Variants in TC2N observed in about 807,000 individuals in gnomAD.
TC2N encodes tandem C2 domains nuclear protein.
A neutral mutation model predicts 61.9 loss-of-function variants in TC2N; 51 were observed. The observed-to-expected ratio is 0.82, with a 90% CI of 0.66 to 1.04. The LOEUF (loss-of-function observed/expected upper bound fraction) is 1.04. Ranked by LOEUF, TC2N falls within the 50% of genes least tolerant of loss-of-function variation. The probability of loss-of-function intolerance (pLI) is 0.00; values close to 1 mark genes in which losing one functional copy is unlikely to be tolerated. For missense variants in TC2N, 556 were observed against 566.7 expected, an observed-to-expected ratio of 0.98 and a Z score of 0.19; for synonymous variants, 204 against 192.6, an observed-to-expected ratio of 1.06 and a Z score of -0.49.
chr14:91,801,097 T>C lies in TC2N; in HGVS notation c.470-725A>G, dbSNP rs563895018. On this transcript the variant is annotated intron_variant, in intron 4 of 11. Coordinates refer to ENST00000435962, the MANE Select transcript of TC2N (RefSeq NM_001128596.3). ...GTGTGTGTGTATATATATATATATA[T>C]CCTGAAAAACTGAGAATTTTGTGAA... Among the ~76,000 whole-genome samples the C allele has an allele frequency of 4.0e-5, 6 of 151,010 alleles. No individual in the cohort carries two copies. The South Asian group carries it at 6.2e-4, about 16-fold the overall frequency.
At chr14:91,838,691 T>C (rs1231380927) in intron 1 of TC2N, among the ~76,000 whole-genome samples, 2 of 152,244 alleles carry the variant, frequency 1.3e-5, no homozygotes, top group South Asian at 2.1e-4. Context: ...TCTTCACTGA[T>C]GCAGAAGTAC....
At chr14:91,804,702 G>GA (rs1371208847) in intron 3 of TC2N, among the ~76,000 whole-genome samples, 69 of 152,130 alleles carry the variant, frequency 4.5e-4, no homozygotes, top group Admixed American at 1.6e-3. Flanking sequence ...TCAGAAAACA[G>GA]AAAAAATTAA....
intron 1 of TC2N, among the ~76,000 whole-genome samples, chr14:91,817,693 C>G (rs1887066443): frequency 6.6e-6 from 1 of 152,050 alleles, no homozygotes; most frequent in African/African-American, 2.4e-5. Context: ...TTAACATTAA[C>G]CATGACAGGA....
chr14:91,813,648 G>A, intron 2 of TC2N, 55 bp downstream of exon 2: 1 of 1,264,664 alleles, frequency 7.9e-7, no homozygotes, highest in Middle Eastern at 1.9e-4. Context: ...ATTACAAAAT[G>A]CCACAAATGA....
chr14:91,856,325 C>T (rs1018396297), intron 1 of TC2N, among the ~76,000 whole-genome samples: 18 of 152,028 alleles, frequency 1.2e-4, no homozygotes, highest in African/African-American at 3.4e-4. Flanking sequence ...CCTGTCTTTA[C>T]TAAAAAATAC....
At chr14:91,820,772 A>C (rs1016944074) in intron 1 of TC2N, among the ~76,000 whole-genome samples, 21 of 152,128 alleles carry the variant, frequency 1.4e-4, no homozygotes, top group Non-Finnish European at 2.1e-4. Flanking sequence ...AAGATATAAG[A>C]GAAATATACA....
chr14:91,809,247 T>C (rs1886659512), intron 3 of TC2N, among the ~76,000 whole-genome samples: 1 of 151,796 alleles, frequency 6.6e-6, no homozygotes, highest in African/African-American at 2.4e-5. Context: ...CCCATCTCTA[T>C]AAATACAAAA....
At chr14:91,818,705 A>G (rs545107330) in intron 1 of TC2N, among the ~76,000 whole-genome samples, 29 of 152,288 alleles carry the variant, frequency 1.9e-4, no homozygotes, top group African/African-American at 7.0e-4. Flanking sequence ...CCCAAATCCA[A>G]TTTCTAGAGA....
chr14:91,825,700 T>C (rs113275877), intron 1 of TC2N, among the ~76,000 whole-genome samples: 2,297 of 152,362 alleles, frequency 0.015, 54 homozygotes, highest in African/African-American at 0.05. Context: ...CTGTCTCTAG[T>C]TTCTTTGAGA....
chr14:91,862,479 T>C (rs1036445213), intron 1 of TC2N, among the ~76,000 whole-genome samples: 1 of 152,126 alleles, frequency 6.6e-6, no homozygotes, highest in African/African-American at 2.4e-5. Context: ...TCAACAGGTT[T>C]GTTGGTCTTT....
rs556351382 is a variant in TC2N, at chr14:91,803,767, A to T, written c.302-1346T>A. On this transcript the variant is annotated intron_variant, in intron 3 of 11. Transcript: ENST00000435962. ...CACCACGACCAGCCTAATCATAGACATATTTTAATAAACTAAACTACATTA... is the reference window on the plus strand; with the variant it reads ...CACCACGACCAGCCTAATCATAGACTTATTTTAATAAACTAAACTACATTA... Among the ~76,000 whole-genome samples the T allele has an allele frequency of 3.3e-5, 5 of 152,352 alleles. No individual in the cohort carries two copies. The East Asian group carries it at 9.6e-4, about 29-fold the overall frequency.
intron 1 of TC2N, among the ~76,000 whole-genome samples, chr14:91,831,368 G>A (rs955212371): frequency 6.6e-6 from 1 of 152,026 alleles, no homozygotes; most frequent in Non-Finnish European, 1.5e-5. Context: ...AGATATTTAA[G>A]AATTAAATAA....
intron 1 of TC2N, among the ~76,000 whole-genome samples, chr14:91,816,449 G>C (rs940760822): frequency 6.6e-6 from 1 of 151,642 alleles, no homozygotes; most frequent in Non-Finnish European, 1.5e-5. Flanking sequence ...GTCTCCTGCC[G>C]ACATTTTCAT....
chr14:91,833,227 C>A (rs1219445989), intron 1 of TC2N, among the ~76,000 whole-genome samples: 1 of 152,006 alleles, frequency 6.6e-6, no homozygotes, highest in Non-Finnish European at 1.5e-5. Context: ...TACTATTTTG[C>A]ACATATGAAA....
At chr14:91,856,668 G>C (rs1477693762) in intron 1 of TC2N, among the ~76,000 whole-genome samples, 1 of 152,120 alleles carries the variant, frequency 6.6e-6, no homozygotes, top group Non-Finnish European at 1.5e-5. Context: ...GTGCCATATG[G>C]GAGCCCTCTC....
intron 9 of TC2N, among the ~76,000 whole-genome samples, chr14:91,787,848 T>C (rs549787751): frequency 1.3e-5 from 2 of 152,202 alleles, no homozygotes; most frequent in East Asian, 3.9e-4. Context: ...ATCTATGTAC[T>C]GAAACTTCAA....
chr14:91,834,152 G>C (rs1490334089), intron 1 of TC2N, among the ~76,000 whole-genome samples: 2 of 152,146 alleles, frequency 1.3e-5, no homozygotes, highest in Non-Finnish European at 2.9e-5. Context: ...AGCAAGTTGA[G>C]AACATCAACA....
At chr14:91,805,318 C>T (rs946324971) in intron 3 of TC2N, among the ~76,000 whole-genome samples, 3 of 152,096 alleles carry the variant, frequency 2.0e-5, no homozygotes, top group African/African-American at 7.2e-5. Flanking sequence ...TATAGCTGCA[C>T]ACTGTGTTTA....
At chr14:91,805,072 T>C (rs188407600) in intron 3 of TC2N, among the ~76,000 whole-genome samples, 163 of 152,340 alleles carry the variant, frequency 1.1e-3, no homozygotes, top group African/African-American at 3.0e-3. Context: ...TGTAATTCTC[T>C]GTATAACAAC....
Sources: gnomAD v4.1 joint callset for allele counts (sites outside exome capture counted in the v4.1 genomes callset) on GRCh38, gnomAD v4.1.1 for gene constraint, MANE v1.5 for transcripts, NCBI Gene and HGNC (gene_info 2026-07-23, HGNC 2026-07-21) for gene names.